Variants in ZNF407 observed in about 807,000 individuals in gnomAD.
ZNF407 encodes zinc finger protein 407.
A neutral mutation model predicts 131.2 loss-of-function variants in ZNF407; 17 were observed. The observed-to-expected ratio is 0.13, with a 90% CI of 0.09 to 0.19. The LOEUF (loss-of-function observed/expected upper bound fraction) is 0.19, where lower values mean the gene tolerates loss of function less well. Among genes scored for constraint, ZNF407 ranks in the 10% least tolerant of loss-of-function variants. ZNF407 has a pLI of 1.00. For missense variants in ZNF407, 2,681 were observed against 2,830.6 expected (o/e 0.95, Z 1.20); for synonymous variants, 1,156 against 1,062.0 (o/e 1.09, Z -1.72).
chr18:74,669,437 A>C (rs1599055354), intron 3 of ZNF407, among the ~76,000 whole-genome samples: 1 of 148,438 alleles, frequency 6.7e-6, no homozygotes, highest in South Asian at 2.2e-4. Flanking sequence ...GTACTCCCCC[A>C]CCCCTCCACC....
chr18:74,987,437 C>T (rs542638340), intron 8 of ZNF407, among the ~76,000 whole-genome samples: 23 of 152,174 alleles, frequency 1.5e-4, no homozygotes, highest in Non-Finnish European at 2.6e-4. Flanking sequence ...GTGTGGTGTC[C>T]GTGTTCATCT....
intron 3 of ZNF407, among the ~76,000 whole-genome samples, chr18:74,690,627 G>A (rs1967198991): frequency 6.6e-6 from 1 of 152,094 alleles, no homozygotes; most frequent in Non-Finnish European, 1.5e-5. Context: ...GAAGAAAAAT[G>A]GAGCATAAAG....
Position 74,631,426 on chromosome 18 carries a change from A to G in ZNF407, c.407A>G (p.Asn136Ser), listed in dbSNP as rs762596518. ...CCAAATGCCCTCTCCCCTTCTTGCA[A>G]TTTTAGCACTATTGATGTTGTTTCT... is the stretch of plus-strand genomic sequence containing the variant. The part of the protein sequence containing the change: ...CLPNALSPSC[N>S]FSTIDVVSLK... The change falls in exon 2 of 9, where the codon AAT becomes AGT. Residue 136 changes from asparagine to serine, a missense_variant. By Grantham distance (46) the Asn-to-Ser change is conservative (BLOSUM62 1). This residue lies in a region of ZNF407 where 1,789 missense variants were observed against 1,748.7 expected (regional missense o/e 1.02). Transcript: ENST00000299687. 3.1e-6 allele frequency: 5 copies of G among 1,613,838 alleles called. No homozygotes were observed. Among genetic ancestry groups the G allele is most frequent in the South Asian group, 1.1e-5 (1 of 91,086 alleles).
intron 5 of ZNF407, among the ~76,000 whole-genome samples, chr18:74,878,779 AC>A (rs1316986550): frequency 6.6e-6 from 1 of 151,264 alleles, no homozygotes; most frequent in Non-Finnish European, 1.5e-5. Flanking sequence ...TGCTGAATGA[AC>A]CCCCTCTAAA....
At chr18:74,669,732 C>T (rs1269760382) in intron 3 of ZNF407, among the ~76,000 whole-genome samples, 3 of 152,134 alleles carry the variant, frequency 2.0e-5, no homozygotes, top group East Asian at 1.9e-4. Context: ...TGGACCTGGA[C>T]GAACTGCATC....
intron 1 of ZNF407, among the ~76,000 whole-genome samples, chr18:74,617,070 T>TCCACGCA (rs1983336310): frequency 7.0e-4 from 8 of 11,426 alleles, no homozygotes; most frequent in Non-Finnish European, 1.0e-3. Flanking sequence ...CACATCCATA[T>TCCACGCA]CCACACACAT....
intron 3 of ZNF407, among the ~76,000 whole-genome samples, chr18:74,726,655 C>T (rs944521092): frequency 2.8e-4 from 42 of 152,104 alleles, no homozygotes; most frequent in Non-Finnish European, 5.4e-4. Flanking sequence ...TATGGTGTAA[C>T]CTACATGTGG....
chr18:74,733,874 G>A (rs2144901492), intron 3 of ZNF407, among the ~76,000 whole-genome samples: 1 of 152,330 alleles, frequency 6.6e-6, no homozygotes, highest in Middle Eastern at 3.4e-3. Context: ...CTCTTGTGAA[G>A]CATTTCATGT....
At chr18:74,995,528 T>C (rs1972770297) in intron 8 of ZNF407, among the ~76,000 whole-genome samples, 1 of 152,238 alleles carries the variant, frequency 6.6e-6, no homozygotes, top group Admixed American at 6.5e-5. Context: ...TCCTAAATTA[T>C]TTTGCTGACC....
chr18:74,796,570 T>C (rs778181828), intron 4 of ZNF407, among the ~76,000 whole-genome samples: 5 of 152,198 alleles, frequency 3.3e-5, no homozygotes, highest in Non-Finnish European at 5.9e-5. Flanking sequence ...TGTCATCTTT[T>C]CTCCTAATGA....
In ZNF407 at chr18:75,033,747, A is replaced by G. The variant is rs116850786; in HGVS notation, c.5429-29403A>G. Among the ~76,000 whole-genome samples, 592 of 152,318 alleles carry G rather than the reference A, an allele frequency of 3.9e-3. 1 individual carries two copies. The highest frequency in any genetic ancestry group is 5.0e-3 in the Non-Finnish European group (338 of 68,038). ...TACCTAGCATTGCAGCGGGAGACCT[A>G]ATCAGATTCTCCAAAACTTGCTTCA... On this transcript the variant is annotated intron_variant, in intron 8 of 8. Transcript: ENST00000299687.
intron 1 of ZNF407, among the ~76,000 whole-genome samples, chr18:74,615,517 T>C (rs566222053): frequency 6.6e-5 from 10 of 152,282 alleles, no homozygotes; most frequent in South Asian, 4.2e-4. Flanking sequence ...AAAACTTTTA[T>C]CACGTTTGAG....
chr18:74,877,464 T>C, intron 5 of ZNF407, 101 bp downstream of exon 5: 2 of 1,050,988 alleles, frequency 1.9e-6, no homozygotes, highest in South Asian at 3.0e-5. Context: ...TAGTAATCAA[T>C]GGAAATGATG....
At chr18:75,059,877 G>T (rs1973604839) in intron 8 of ZNF407, among the ~76,000 whole-genome samples, 1 of 152,216 alleles carries the variant, frequency 6.6e-6, no homozygotes, top group African/African-American at 2.4e-5. Context: ...TTTCAGCTCA[G>T]CTTTTAAACT....
chr18:74,877,862 G>C (rs1971181287), intron 5 of ZNF407, among the ~76,000 whole-genome samples: 1 of 152,174 alleles, frequency 6.6e-6, no homozygotes, highest in South Asian at 2.1e-4. Flanking sequence ...TCAGATCCAA[G>C]AGTTTTTGAT....
intron 3 of ZNF407, among the ~76,000 whole-genome samples, chr18:74,652,797 C>T (rs973203350): frequency 6.6e-6 from 1 of 151,922 alleles, no homozygotes; most frequent in Admixed American, 6.6e-5. Context: ...GTTTCTCCTT[C>T]GGTAAATTAC....
chr18:74,951,411 G>C (rs1217029654), intron 8 of ZNF407, among the ~76,000 whole-genome samples: 1 of 152,160 alleles, frequency 6.6e-6, no homozygotes, highest in African/African-American at 2.4e-5. Context: ...TGCCTAAACT[G>C]TTTTGCACAG....
chr18:74,994,791 C>T (rs1208313326), intron 8 of ZNF407, among the ~76,000 whole-genome samples: 1 of 152,144 alleles, frequency 6.6e-6, no homozygotes, highest in Non-Finnish European at 1.5e-5. Context: ...GGAGGGCACT[C>T]GTGGGCAGTG....
Position 74,633,337 on chromosome 18 carries a change from A to T in ZNF407, c.2318A>T (p.Glu773Val). Residue 773 changes from glutamate to valine, a missense_variant, in exon 2 of 9, where the codon GAA becomes GTA. Physicochemically the swap from Glu to Val is moderately radical, Grantham distance 121. Transcript: ENST00000299687. ...AATAATATTGGCTTAAGCTTTGAAG[A>T]ATGTATTGAAAGGGTATGTATAGGT... ...KKNNIGLSFE[E>V]CIERVCIGAN... The T allele has an allele frequency of 6.2e-7, 1 of 1,613,422 alleles. No homozygotes were observed. The highest frequency in any genetic ancestry group is 8.5e-7 in the Non-Finnish European group (1 of 1,179,780).
Sources: allele counts gnomAD v4.1 joint callset (sites outside exome capture counted in the v4.1 genomes callset), GRCh38; gene constraint gnomAD v4.1.1; regional missense constraint gnomAD v4.1.1; transcripts MANE v1.5; gene names NCBI Gene and HGNC (gene_info 2026-07-23, HGNC 2026-07-21).